P2RX7: variants seen among roughly 807,000 people sequenced by gnomAD.
P2RX7 encodes P2X purinoceptor 7.
Under a neutral mutation model 71.6 loss-of-function variants are expected in P2RX7, and 62 were observed. The ratio of observed to expected loss-of-function variants is 0.87; its 90% CI spans 0.71 to 1.07. P2RX7 has a LOEUF of 1.07. P2RX7 is among the 50% of genes least tolerant of loss of function. P2RX7 has a pLI of 0.00. For synonymous variants in P2RX7, 299 were observed against 283.3 expected (o/e 1.06, Z -0.56); for missense variants, 686 against 748.5 (o/e 0.92, Z 0.97).
At chr12:121,136,023 A>AAAAATATATATATAT in intron 1 of P2RX7, among the ~76,000 whole-genome samples, 2 of 15,256 alleles carry the variant, frequency 1.3e-4, no homozygotes, top group African/African-American at 2.4e-4. Context: ...AAAAAAAAAA[A>AAAAATATATATATAT]ATATATATAT....
chr12:121,160,380 C>T (rs1399906792), intron 3 of P2RX7, among the ~76,000 whole-genome samples: 2 of 152,164 alleles, frequency 1.3e-5, no homozygotes, highest in Non-Finnish European at 2.9e-5. Flanking sequence ...CTCCTGACCT[C>T]AGGTGATCTG....
rs185671886 is a variant in P2RX7 at position 121,187,338 on chromosome 12, A to G, written c.*2536A>G. The G allele has an allele frequency of 1.2e-4, 18 of 152,268 alleles. No homozygotes were observed. Among genetic ancestry groups the G allele is most frequent in the African/African-American group, 3.4e-4 (14 of 41,554 alleles). The allele number at this position is 152,268 out of a possible 1,614,324, so 9.4% of individuals were successfully genotyped here. On this transcript the variant is annotated 3_prime_UTR_variant, in exon 13 of 13. Transcript: ENST00000328963. The stretch of plus-strand genomic sequence containing the variant: ...GATACAGGGTTTTATTTGGCTTTAA[A>G]CTCAGGAACCAAGTTAATTATGCCA...
intron 1 of P2RX7, among the ~76,000 whole-genome samples, chr12:121,151,000 C>T (rs1486899843): frequency 6.6e-6 from 1 of 152,186 alleles, no homozygotes; most frequent in East Asian, 1.9e-4. Flanking sequence ...AGAAATAAAG[C>T]ATTACTAATC....
chr12:121,175,310 C>CAA (rs370710698), intron 8 of P2RX7, 78 bp from the exon 9 acceptor site: 6,226 of 463,314 alleles, frequency 0.013, no homozygotes, highest in East Asian at 0.018. Context: ...GACCCTGTCT[C>CAA]AAAAAAAAAA....
intron 11 of P2RX7, 36 bp from the exon 12 acceptor site, chr12:121,180,317 AC>A (rs749213202): frequency 1.3e-5 from 16 of 1,260,014 alleles, no homozygotes; most frequent in Non-Finnish European, 1.8e-5. Flanking sequence ...ATAATTCTGT[AC>A]AAAAATGGGT....
chr12:121,162,466 A>T lies in P2RX7; in HGVS notation c.479A>T (p.Lys160Met). The change falls in exon 5 of 13, where the codon AAG becomes ATG. Residue 160 changes from lysine (K) to methionine (M), a missense_variant. Transcript: ENST00000328963. Reference protein sequence around the residue: ...GRCVVYEGNQKTCEVSAWCPI... With the variant: ...GRCVVYEGNQMTCEVSAWCPI... ...TGTGTAGTGTATGAAGGGAACCAGA[A>T]GACCTGTGAAGTCTCTGCCTGGTGC... 6.2e-7 allele frequency: 1 copy of T among 1,613,964 alleles called. No individual in the cohort carries two copies.
intron 8 of P2RX7, among the ~76,000 whole-genome samples, chr12:121,169,505 G>C (rs1029525282): frequency 2.6e-5 from 4 of 152,148 alleles, no homozygotes; most frequent in Non-Finnish European, 2.9e-5. Flanking sequence ...TGTGTGTTAT[G>C]GAGTATTCCT....
At chr12:121,159,293 T>C (rs781124625) in intron 3 of P2RX7, among the ~76,000 whole-genome samples, 1 of 151,880 alleles carries the variant, frequency 6.6e-6, no homozygotes, top group Non-Finnish European at 1.5e-5. Context: ...GGTGCGTGCC[T>C]GTAATCCCAG....
intron 8 of P2RX7, 56 bp from the exon 9 acceptor site, chr12:121,175,327 AAACCC>A: frequency 8.7e-6 from 9 of 1,031,558 alleles, no homozygotes; most frequent in Non-Finnish European, 1.0e-5. Flanking sequence ...AAAAAAAAAA[AAACCC>A]AAAACCCAGC....
chr12:121,134,506 C>A (rs1389010068), intron 1 of P2RX7, among the ~76,000 whole-genome samples: 1 of 152,192 alleles, frequency 6.6e-6, no homozygotes, highest in African/African-American at 2.4e-5. Context: ...ATTCTCCTGC[C>A]TCAGCCTCAT....
Position 121,146,450 on chromosome 12 carries a change from C to T in P2RX7, c.126-8335C>T, listed in dbSNP as rs140978864. 2.0e-5 allele frequency among the ~76,000 whole-genome samples: 3 copies of T among 151,964 alleles called. 1 individual carries two copies. Among genetic ancestry groups the T allele is most frequent in the African/African-American group, 7.2e-5 (3 of 41,414 alleles). On this transcript the variant is annotated intron_variant, in intron 1 of 12. Transcript: ENST00000328963. ...GGGATTACAGGCATACATCGCCATG[C>T]CTGGTTAATTTTTGTATTTTTAGTA...
At chr12:121,162,389 A>G (rs772991691) in intron 4 of P2RX7, 35 bp from the exon 5 acceptor site, 1 of 1,612,372 alleles carries the variant, frequency 6.2e-7, no homozygotes, top group South Asian at 1.1e-5. Flanking sequence ...CAGTTCTTTC[A>G]CATCTGTGGT....
chr12:121,175,496 G>A lies in P2RX7; in HGVS notation c.972+18G>A. ...TTGGCACCGTAAGTCTCGTTTCCCA[G>A]CTCCGGGCACCGGCATCCTATGACT... On this transcript the variant is annotated intron_variant, in intron 9 of 12. Transcript: ENST00000328963. 1 of 1,059,400 alleles carries A rather than the reference G, an allele frequency of 9.4e-7. No individual in the cohort carries two copies. The highest frequency in any genetic ancestry group is 1.5e-6 in the Non-Finnish European group (1 of 673,276). 65.6% of individuals were successfully genotyped at this position (1,059,400 alleles called of 1,614,324 possible). A position where few individuals can be genotyped will look rare whatever the true frequency, so the allele number is the denominator to read the frequency against.
intron 1 of P2RX7, among the ~76,000 whole-genome samples, chr12:121,142,930 A>C (rs184226731): frequency 2.6e-5 from 4 of 151,822 alleles, no homozygotes; most frequent in African/African-American, 9.7e-5. Flanking sequence ...CTCTACTAAA[A>C]ATACAAAAGT....
At position 121,175,466 on chromosome 12, in the gene P2RX7, G is replaced by A; in HGVS notation, c.960G>A (p.Leu320=). The change falls in exon 9 of 13, where the codon CTG becomes CTA. Residue 320 remains leucine (L), a synonymous_variant. Coordinates refer to ENST00000328963, the MANE Select transcript of P2RX7 (RefSeq NM_002562.6). ...TCTTCGGGATCCGTTTTGACATCCT[G>A]GTTTTTGGCACCGTAAGTCTCGTTT... The part of the protein sequence containing the change: ...IKVFGIRFDI[L]VFGTGGKFDI... 6.9e-7 allele frequency: 1 copy of A among 1,441,046 alleles called. No homozygotes were observed. Among genetic ancestry groups the A allele is most frequent in the South Asian group, 1.1e-5 (1 of 87,474 alleles). The allele number at this position is 1,441,046 out of a possible 1,614,324, so 89.3% of individuals were successfully genotyped here. A position where few individuals can be genotyped will look rare whatever the true frequency, so the allele number is the denominator to read the frequency against.
At chr12:121,143,329 G>A (rs1875411770) in intron 1 of P2RX7, among the ~76,000 whole-genome samples, 2 of 152,126 alleles carry the variant, frequency 1.3e-5, no homozygotes, top group Non-Finnish European at 2.9e-5. Context: ...GGGAGGCAGA[G>A]GGTGCAGTGA....
In P2RX7 at chr12:121,135,007, A is replaced by G. The variant is rs531925599; in HGVS notation, c.125+1912A>G. Among the ~76,000 whole-genome samples the G allele has an allele frequency of 4.6e-5, 7 of 152,192 alleles. No homozygotes were observed. The South Asian group carries it at 1.5e-3, about 32-fold the overall frequency. On this transcript the variant is annotated intron_variant, in intron 1 of 12. Transcript: ENST00000328963. ...AACAGCCCTTATCATGATGACTGACATAGGATAAGAGCTCCATAACTAGTA... is the reference window on the plus strand; with the variant it reads ...AACAGCCCTTATCATGATGACTGACGTAGGATAAGAGCTCCATAACTAGTA...
Position 121,154,944 on chromosome 12 carries a change from C to A in P2RX7, c.285C>A (p.Phe95Leu), listed in dbSNP as rs201644110. 12 of 1,614,064 alleles carry A rather than the reference C, an allele frequency of 7.4e-6. No homozygotes were observed. Among genetic ancestry groups the A allele is most frequent in the Middle Eastern group, 3.3e-4 (2 of 6,084 alleles). Residue 95 changes from phenylalanine to leucine, a missense_variant, in exon 2 of 13, where the codon TTC becomes TTA. Physicochemically the swap from Phe to Leu is conservative, Grantham distance 22 (BLOSUM62 0). Coordinates refer to ENST00000328963, the MANE Select transcript of P2RX7 (RefSeq NM_002562.6). This position sits in a 1 kb window ranked among gnomAD's most constrained non-coding sequence, Gnocchi z 4.2. ...TCTTTGACACCGCAGACTACACCTT[C>A]CCTTTGCAGGTGAGCACCTCGTAGC... ...HSVFDTADYTFPLQGNSFFVM... is the reference protein window; with the variant it reads ...HSVFDTADYTLPLQGNSFFVM...
intron 5 of P2RX7, among the ~76,000 whole-genome samples, chr12:121,164,701 G>A (rs898188835): frequency 2.0e-5 from 3 of 152,206 alleles, no homozygotes; most frequent in African/African-American, 7.2e-5. Context: ...AGAGTCGCTT[G>A]AACCCGGGAG....
Sources: allele counts gnomAD v4.1 joint callset (sites outside exome capture counted in the v4.1 genomes callset), GRCh38; gene constraint gnomAD v4.1.1; non-coding constraint Gnocchi (gnomAD v3.1); transcripts MANE v1.5; gene names NCBI Gene and HGNC (gene_info 2026-07-23, HGNC 2026-07-21).